COL11A1: variants seen among roughly 807,000 people sequenced by gnomAD.
COL11A1 encodes the protein collagen alpha-1(XI) chain.
Under a neutral mutation model 265.2 loss-of-function variants are expected in COL11A1, and 74 were observed. The ratio of observed to expected loss-of-function variants is 0.28; its 90% CI spans 0.23 to 0.34. The LOEUF (loss-of-function observed/expected upper bound fraction) is 0.34. Among genes scored for constraint, COL11A1 ranks in the 10% least tolerant of loss-of-function variants. The pLI, the probability that COL11A1 is intolerant of heterozygous loss-of-function variation, is 1.00. For missense variants in COL11A1, 2,165 were observed against 2,263.6 expected (o/e 0.96, Z 0.88); for synonymous variants, 816 against 727.6 (o/e 1.12, Z -1.96).
chr1:102,946,871 G>T lies in COL11A1; in HGVS notation c.3254C>A (p.Pro1085Gln). The change falls in exon 42 of 67, where the codon CCA (proline) becomes CAA (glutamine). Residue 1085 changes from proline to glutamine, a missense_variant. Coordinates refer to ENST00000370096, the MANE Select transcript of COL11A1 (RefSeq NM_001854.4). ...TACAGGAGCACCTTTCTCTCCAGCTGGACCAGGAGGACCCTGAGGTCCCGG... is the reference window on the plus strand; with the variant it reads ...TACAGGAGCACCTTTCTCTCCAGCTTGACCAGGAGGACCCTGAGGTCCCGG... ...GRPGPQGPPG[P>Q]AGEKGAPGEK... 1 of 1,613,364 alleles carries T rather than the reference G, an allele frequency of 6.2e-7. No individual in the cohort carries two copies. Among genetic ancestry groups the T allele is most frequent in the Non-Finnish European group, 8.5e-7 (1 of 1,179,702 alleles).
intron 1 of COL11A1, among the ~76,000 whole-genome samples, chr1:103,085,099 G>T (rs1672746064): frequency 6.6e-6 from 1 of 152,200 alleles, no homozygotes; most frequent in South Asian, 2.1e-4. Context: ...ATTGTAAGGA[G>T]CATGTCCTCC....
rs143660176 is a variant in COL11A1 at position 102,883,075 on chromosome 1, CTAAT to C, written c.4971+120_4971+123del. ...TTCATGTTTATGCAAATGAAGTACT[CTAAT>C]TATTTTGTAAGAAAAGCAGATAAAT... On this transcript the variant is annotated intron_variant, in intron 64 of 66. Transcript: ENST00000370096. 521 of 737,610 alleles carry C rather than the reference CTAAT, an allele frequency of 7.1e-4. 5 individuals carry two copies. The East Asian group carries it at 0.013, about 18-fold the overall frequency. The allele number at this position is 737,610 out of a possible 1,614,324, so 45.7% of individuals were successfully genotyped here.
At chr1:102,978,156 T>C (rs1662683533) in intron 35 of COL11A1, among the ~76,000 whole-genome samples, 1 of 152,138 alleles carries the variant, frequency 6.6e-6, no homozygotes, top group Non-Finnish European at 1.5e-5. Context: ...AATGTTATAT[T>C]TTGCCAAAAA....
At chr1:103,001,896 G>C in intron 24 of COL11A1, 29 bp downstream of exon 24, 1 of 1,608,718 alleles carries the variant, frequency 6.2e-7, no homozygotes, top group Non-Finnish European at 8.5e-7. Context: ...ATGTTCACCA[G>C]GCTTTACGAG....
chr1:102,938,309 C>T (rs1039181157), intron 44 of COL11A1, among the ~76,000 whole-genome samples: 1 of 150,838 alleles, frequency 6.6e-6, no homozygotes, highest in African/African-American at 2.4e-5. Flanking sequence ...AAAAAAAAAA[C>T]TTGAAGGACA....
chr1:102,992,641 C>G (rs559884338), intron 28 of COL11A1, among the ~76,000 whole-genome samples: 110 of 152,028 alleles, frequency 7.2e-4, no homozygotes, highest in Non-Finnish European at 1.3e-3. Flanking sequence ...AATATTTATA[C>G]AAAGTTTCTC....
At chr1:102,900,804 A>T (rs1653086588) in intron 54 of COL11A1, among the ~76,000 whole-genome samples, 1 of 152,172 alleles carries the variant, frequency 6.6e-6, no homozygotes, top group African/African-American at 2.4e-5. Flanking sequence ...CTGTGAACAA[A>T]TATCTGTCAT....
chr1:102,982,812 A>G (rs753980576), intron 31 of COL11A1, among the ~76,000 whole-genome samples: 4 of 152,104 alleles, frequency 2.6e-5, no homozygotes, highest in Non-Finnish European at 5.9e-5. Flanking sequence ...TGCAGTTTAC[A>G]TATTCAGGGA....
At chr1:102,966,698 T>TACACACAC (rs1661430831) in intron 37 of COL11A1, among the ~76,000 whole-genome samples, 1 of 19,482 alleles carries the variant, frequency 5.1e-5, no homozygotes, top group Non-Finnish European at 1.4e-4. Flanking sequence ...TTGTCAGATT[T>TACACACAC]ACATACACAC....
chr1:102,906,851 CA>C (rs1355697002), intron 54 of COL11A1, among the ~76,000 whole-genome samples: 1 of 151,824 alleles, frequency 6.6e-6, no homozygotes, highest in Non-Finnish European at 1.5e-5. Flanking sequence ...TAAATCAGAA[CA>C]AATCATAGTT....
chr1:103,022,029 T>G (rs1022079284), intron 8 of COL11A1, among the ~76,000 whole-genome samples: 1 of 140,050 alleles, frequency 7.1e-6, no homozygotes, highest in Non-Finnish European at 1.6e-5. Flanking sequence ...TTTTTTTTTG[T>G]ATTTTTAGTA....
intron 2 of COL11A1, among the ~76,000 whole-genome samples, chr1:103,080,102 A>T (rs972330196): frequency 6.6e-6 from 1 of 151,984 alleles, no homozygotes; most frequent in African/African-American, 2.4e-5. Flanking sequence ...TATGTAATAG[A>T]ATCGTATGCA....
chr1:102,976,676 G>A (rs1415835578), intron 35 of COL11A1, among the ~76,000 whole-genome samples: 1 of 151,930 alleles, frequency 6.6e-6, no homozygotes, highest in Non-Finnish European at 1.5e-5. Flanking sequence ...GTGTACAGAT[G>A]GTGTTGAAAC....
chr1:102,988,710 T>A (rs1235269580), intron 29 of COL11A1, among the ~76,000 whole-genome samples: 2 of 152,156 alleles, frequency 1.3e-5, no homozygotes, highest in African/African-American at 4.8e-5. Context: ...ATATATGACA[T>A]TAAATTGCTT....
chr1:103,077,993 A>G (rs1423491082), intron 3 of COL11A1, among the ~76,000 whole-genome samples: 1 of 152,144 alleles, frequency 6.6e-6, no homozygotes, highest in Non-Finnish European at 1.5e-5. Flanking sequence ...CATGGCACAT[A>G]TCAGCACTCT....
intron 27 of COL11A1, 25 bp downstream of exon 27, chr1:102,995,964 T>C: frequency 6.2e-7 from 1 of 1,612,556 alleles, no homozygotes; most frequent in Non-Finnish European, 8.5e-7. Context: ...TGAAAGTAAA[T>C]AATGTGAAAA....
rs755901629 is a variant in COL11A1, at chr1:102,970,175, TGCTAGAGATGGAAATTTTTAATAAGAGTA to T, written c.2862+15_2862+43del. 4 of 1,511,394 alleles carry T rather than the reference TGCTAGAGATGGAAATTTTTAATAAGAGTA, an allele frequency of 2.6e-6. No individual in the cohort carries two copies. The highest frequency in any genetic ancestry group is 2.8e-6 in the Non-Finnish European group (3 of 1,087,710). 93.6% of individuals were successfully genotyped at this position (1,511,394 alleles called of 1,614,324 possible). On this transcript the variant is annotated intron_variant, in intron 37 of 66. Transcript: ENST00000370096. ...GCTTTCTATGTATGAACTGATGAGG[TGCTAGAGATGGAAATTTTTAATAAGAGTA>T]ACAAGGTCACTTACAGTCTCCCCAC...
intron 37 of COL11A1, among the ~76,000 whole-genome samples, chr1:102,967,327 G>A (rs1289204314): frequency 4.0e-5 from 5 of 125,592 alleles, no homozygotes; most frequent in African/African-American, 6.1e-5. Context: ...TGCAAGCTCC[G>A]CCTCCCAGGT....
chr1:103,006,608 G>T (rs1205808023), intron 15 of COL11A1, among the ~76,000 whole-genome samples: 1 of 128,430 alleles, frequency 7.8e-6, no homozygotes, highest in Admixed American at 1.1e-4. Flanking sequence ...CGCGATCTCG[G>T]CTCACTGCAA....
Sources: allele counts gnomAD v4.1 joint callset (sites outside exome capture counted in the v4.1 genomes callset), GRCh38; gene constraint gnomAD v4.1.1; transcripts MANE v1.5; gene names NCBI Gene and HGNC (gene_info 2026-07-23, HGNC 2026-07-21).